LSAMP: variants seen among roughly 807,000 people sequenced by gnomAD.
The protein encoded by LSAMP is limbic system-associated membrane protein.
LSAMP carries 7 observed loss-of-function variants against 38.6 expected under a neutral mutation model. The ratio of observed to expected loss-of-function variants is 0.18; its 90% CI spans 0.10 to 0.34. The LOEUF (loss-of-function observed/expected upper bound fraction) is 0.34, where lower values mean the gene tolerates loss of function less well. Among genes scored for constraint, LSAMP ranks in the 10% least tolerant of loss-of-function variants. The pLI is 1.00. For synonymous variants in LSAMP, 154 were observed against 166.8 expected (o/e 0.92, Z 0.59); for missense variants, 313 against 420.0 (o/e 0.75, Z 2.23).
chr3:116,227,026 C>CT (rs1357173343), intron 1 of LSAMP, among the ~76,000 whole-genome samples: 6 of 151,774 alleles, frequency 4.0e-5, no homozygotes, highest in Non-Finnish European at 7.4e-5. Flanking sequence ...TTTTTTTTTC[C>CT]TGAAAGTGGC....
intron 1 of LSAMP, among the ~76,000 whole-genome samples, chr3:116,134,037 A>G (rs144319700): frequency 6.6e-6 from 1 of 152,214 alleles, no homozygotes; most frequent in Non-Finnish European, 1.5e-5. Context: ...GGACTGAACT[A>G]GAATATGATC....
intron 1 of LSAMP, among the ~76,000 whole-genome samples, chr3:116,341,047 C>A (rs2047988037): frequency 6.6e-6 from 1 of 151,892 alleles, no homozygotes; most frequent in African/African-American, 2.4e-5. Flanking sequence ...TTTTATGGAT[C>A]CAGATGGCTT....
At chr3:116,321,332 C>T (rs2047703214) in intron 1 of LSAMP, among the ~76,000 whole-genome samples, 1 of 152,030 alleles carries the variant, frequency 6.6e-6, no homozygotes, top group African/African-American at 2.4e-5. Flanking sequence ...ATGATCTTAC[C>T]ACTGCACTCC....
At chr3:116,209,195 G>A (rs1007380548) in intron 1 of LSAMP, among the ~76,000 whole-genome samples, 2 of 152,134 alleles carry the variant, frequency 1.3e-5, no homozygotes, top group Non-Finnish European at 2.9e-5. Context: ...TCTTTGACTT[G>A]GAAAGGGAAC....
chr3:115,964,126 C>T (rs79958818), intron 3 of LSAMP, among the ~76,000 whole-genome samples: 1,610 of 152,142 alleles, frequency 0.011, 17 homozygotes, highest in African/African-American at 0.024. Flanking sequence ...CAGTTTTTGC[C>T]CTGTTCTTAA....
intron 6 of LSAMP, among the ~76,000 whole-genome samples, chr3:115,827,618 C>T (rs988527383): frequency 5.3e-5 from 8 of 152,070 alleles, no homozygotes; most frequent in Admixed American, 2.0e-4. Context: ...CAGTGATAAG[C>T]GAAACTATAG....
chr3:115,818,327 C>A (rs1934097423), intron 6 of LSAMP, among the ~76,000 whole-genome samples: 2 of 152,056 alleles, frequency 1.3e-5, no homozygotes, highest in African/African-American at 2.4e-5. Flanking sequence ...ATGCTCTTTC[C>A]TAAAAGAGGC....
At chr3:116,320,211 G>A (rs2047689596) in intron 1 of LSAMP, among the ~76,000 whole-genome samples, 1 of 152,076 alleles carries the variant, frequency 6.6e-6, no homozygotes, top group African/African-American at 2.4e-5. Context: ...TCAGGAGTTC[G>A]AGACCAGCCT....
At chr3:116,074,844 C>CTTTTTTTTTTTTTTTTTTTTT (rs1161460100) in intron 2 of LSAMP, among the ~76,000 whole-genome samples, 6 of 128,380 alleles carry the variant, frequency 4.7e-5, no homozygotes, top group African/African-American at 1.5e-4. Flanking sequence ...TTTCTTTATT[C>CTTTTTTTTTTTTTTTTTTTTT]TTTTTTTTTT....
chr3:115,840,470 C>T (rs1016236212), intron 6 of LSAMP, among the ~76,000 whole-genome samples: 3 of 152,052 alleles, frequency 2.0e-5, no homozygotes, highest in African/African-American at 7.2e-5. Context: ...CTAGTTGAGG[C>T]AAAGAATACT....
chr3:115,959,260 G>T (rs1938551340), intron 3 of LSAMP, among the ~76,000 whole-genome samples: 1 of 152,156 alleles, frequency 6.6e-6, no homozygotes, highest in Non-Finnish European at 1.5e-5. Flanking sequence ...TATCAGGTTT[G>T]TAAGGAGACA....
At chr3:116,099,781 C>T (rs1708303464) in intron 1 of LSAMP, among the ~76,000 whole-genome samples, 1 of 152,122 alleles carries the variant, frequency 6.6e-6, no homozygotes, top group African/African-American at 2.4e-5. Context: ...TAATTGTCTC[C>T]TCTTTCTCCA....
At chr3:116,109,666 C>A (rs2107467725) in intron 1 of LSAMP, among the ~76,000 whole-genome samples, 1 of 152,144 alleles carries the variant, frequency 6.6e-6, no homozygotes, top group African/African-American at 2.4e-5. Flanking sequence ...AGCAGCATTG[C>A]AGAAGAAAAT....
chr3:116,222,720 CTTTTTTTTTTTTTTTT>C (rs71141863), intron 1 of LSAMP, among the ~76,000 whole-genome samples: 38 of 49,940 alleles, frequency 7.6e-4, no homozygotes, highest in African/African-American at 2.2e-3. Context: ...TCATCCTCTC[CTTTTTTTTTTTTTTTT>C]TTTTTTTTTT....
chr3:115,835,926 T>TTTGA (rs1296788289), intron 6 of LSAMP, among the ~76,000 whole-genome samples: 3 of 152,236 alleles, frequency 2.0e-5, no homozygotes. Context: ...ATTAAGTTTC[T>TTTGA]AGCTTTGAAA....
intron 1 of LSAMP, among the ~76,000 whole-genome samples, chr3:116,203,941 GTATTTC>G (rs1393832040): frequency 6.6e-6 from 1 of 152,090 alleles, no homozygotes; most frequent in African/African-American, 2.4e-5. Flanking sequence ...GGGTCAAATG[GTATTTC>G]TAGTTCTAGA....
At chr3:116,174,757 C>T (rs1710293958) in intron 1 of LSAMP, among the ~76,000 whole-genome samples, 1 of 151,962 alleles carries the variant, frequency 6.6e-6, no homozygotes, top group Admixed American at 6.6e-5. Flanking sequence ...TCACTCAATC[C>T]AAATCATGGA....
At chr3:116,172,086 T>C (rs561127162) in intron 1 of LSAMP, among the ~76,000 whole-genome samples, 40 of 152,080 alleles carry the variant, frequency 2.6e-4, no homozygotes, top group Non-Finnish European at 4.6e-4. Context: ...ATTGACCTTC[T>C]TCCAAAAGGT....
At chr3:116,332,389 A>G (rs988224494) in intron 1 of LSAMP, among the ~76,000 whole-genome samples, 4 of 152,282 alleles carry the variant, frequency 2.6e-5, no homozygotes, top group Middle Eastern at 3.4e-3. Flanking sequence ...AGGGTTTTGT[A>G]TGTCGCTGAA....
Sources: gnomAD v4.1 joint callset for allele counts (sites outside exome capture counted in the v4.1 genomes callset) on GRCh38, gnomAD v4.1.1 for gene constraint, MANE v1.5 for transcripts, NCBI Gene and HGNC (gene_info 2026-07-23, HGNC 2026-07-21) for gene names.